GRIN2A: variants seen among roughly 807,000 people sequenced by gnomAD.
GRIN2A encodes the protein glutamate ionotropic receptor NMDA type subunit 2A, also known as glutamate receptor ionotropic, NMDA 2A.
Under a neutral mutation model 113.4 loss-of-function variants are expected in GRIN2A, and 22 were observed. That is an observed-to-expected ratio of 0.19 (90% confidence interval 0.14 to 0.28). The LOEUF (loss-of-function observed/expected upper bound fraction) is 0.28. Among genes scored for constraint, GRIN2A ranks in the 10% least tolerant of loss-of-function variants. The pLI is 1.00. For missense variants in GRIN2A, 1,502 were observed against 1,887.0 expected, an observed-to-expected ratio of 0.80 and a Z score of 3.78; for synonymous variants, 827 against 738.4, an observed-to-expected ratio of 1.12 and a Z score of -1.94.
intron 2 of GRIN2A, among the ~76,000 whole-genome samples, chr16:10,169,212 G>A (rs2049988186): frequency 6.6e-6 from 1 of 151,830 alleles, no homozygotes; most frequent in African/African-American, 2.4e-5. Context: ...AATCCTAAAG[G>A]CCCTTTTTCT....
At chr16:9,824,470 C>T (rs1278760026) in intron 9 of GRIN2A, among the ~76,000 whole-genome samples, 2 of 152,212 alleles carry the variant, frequency 1.3e-5, no homozygotes, top group East Asian at 3.9e-4. Flanking sequence ...CCACTTCACT[C>T]CCCGTCTGTT....
intron 2 of GRIN2A, among the ~76,000 whole-genome samples, chr16:10,109,344 G>A (rs796387767): frequency 4.9e-4 from 50 of 103,008 alleles, no homozygotes; most frequent in African/African-American, 1.2e-3. Flanking sequence ...AAACATTTAA[G>A]GAAAAAAAAA....
At chr16:9,952,727 C>T (rs940940133) in intron 2 of GRIN2A, among the ~76,000 whole-genome samples, 3 of 152,134 alleles carry the variant, frequency 2.0e-5, no homozygotes, top group Admixed American at 1.3e-4. Flanking sequence ...CCCAAGTACA[C>T]GTGACAGAGC....
chr16:9,920,305 T>C (rs1230741830), intron 3 of GRIN2A, among the ~76,000 whole-genome samples: 5 of 152,224 alleles, frequency 3.3e-5, no homozygotes, highest in Non-Finnish European at 7.3e-5. Flanking sequence ...GGGTAACAGA[T>C]GCCAGGGGAC....
intron 2 of GRIN2A, among the ~76,000 whole-genome samples, chr16:10,006,646 T>A (rs2046408965): frequency 6.6e-6 from 1 of 152,174 alleles, no homozygotes; most frequent in South Asian, 2.1e-4. Flanking sequence ...TTGTACTCCC[T>A]CAGTTATTCT....
chr16:9,811,959 G>T (rs572373655), intron 10 of GRIN2A, among the ~76,000 whole-genome samples: 43 of 152,204 alleles, frequency 2.8e-4, no homozygotes, highest in African/African-American at 9.9e-4. Context: ...CTCAATGGAA[G>T]AAGAAACATT....
intron 2 of GRIN2A, among the ~76,000 whole-genome samples, chr16:10,132,687 C>A: frequency 6.6e-6 from 1 of 152,140 alleles, no homozygotes; most frequent in Non-Finnish European, 1.5e-5. Context: ...GTTTCCACAA[C>A]CACAAAATGG....
chr16:9,840,047 G>A (rs1268542120), intron 7 of GRIN2A, among the ~76,000 whole-genome samples: 1 of 152,198 alleles, frequency 6.6e-6, no homozygotes, highest in African/African-American at 2.4e-5. Flanking sequence ...GAACCCAGGA[G>A]GCAGAGGCCG....
chr16:9,923,083 C>G (rs894128919), intron 3 of GRIN2A, among the ~76,000 whole-genome samples: 1 of 152,086 alleles, frequency 6.6e-6, no homozygotes, highest in African/African-American at 2.4e-5. Context: ...AAATCTCCTA[C>G]TATAATTATG....
intron 2 of GRIN2A, among the ~76,000 whole-genome samples, chr16:9,958,257 C>G (rs1013579171): frequency 1.3e-5 from 2 of 152,164 alleles, no homozygotes; most frequent in African/African-American, 4.8e-5. Context: ...CCAGCCTGAC[C>G]TGAACTTACT....
Position 9,764,288 on chromosome 16 carries a change from AG to A in GRIN2A, c.3255del (p.Phe1086LeufsTer21). The A allele has an allele frequency of 6.2e-7, 1 of 1,613,740 alleles. No homozygotes were observed. On this transcript the variant is annotated frameshift_variant, in exon 13 of 13. Transcript: ENST00000330684. LOFTEE classifies it high-confidence loss of function. ...DNSKNHKTKD[N>X]FKRSVASKYP... ...TATTTGGAGGCCACTGACCTTTTAA[AG>A]TTGTCCTTGGTTTTGTGGTTCTTAC...
At chr16:9,840,015 G>C (rs1160497554) in intron 7 of GRIN2A, among the ~76,000 whole-genome samples, 1 of 152,212 alleles carries the variant, frequency 6.6e-6, no homozygotes, top group Non-Finnish European at 1.5e-5. Flanking sequence ...CTACTGGGGA[G>C]GCTGAGGTGG....
At chr16:10,090,454 A>T (rs1276581816) in intron 2 of GRIN2A, among the ~76,000 whole-genome samples, 1 of 152,218 alleles carries the variant, frequency 6.6e-6, no homozygotes, top group Non-Finnish European at 1.5e-5. Flanking sequence ...TTTTCAACAC[A>T]TGATGCTGGG....
intron 2 of GRIN2A, among the ~76,000 whole-genome samples, chr16:9,998,088 A>C (rs530096565): frequency 1.3e-5 from 2 of 152,270 alleles, no homozygotes; most frequent in Admixed American, 1.3e-4. Flanking sequence ...TTTTTGTTCT[A>C]TAACTGTCTG....
Position 9,756,284 on chromosome 16 carries a change from A to C in GRIN2A, c.*6865T>G, listed in dbSNP as rs879478291. 1.7e-4 allele frequency: 38 copies of C among 228,610 alleles called. No homozygotes were observed. Among genetic ancestry groups the C allele is most frequent in the Middle Eastern group, 2.6e-3 (2 of 764 alleles). 14.2% of individuals were successfully genotyped at this position (228,610 alleles called of 1,614,324 possible). ...AAGTAGAGAAAATAACTCCCCAGAA[A>C]TTTTTTTAAATGCTAAGTGCAAGCA... On this transcript the variant is annotated 3_prime_UTR_variant, in exon 13 of 13. Coordinates refer to ENST00000330684, the MANE Select transcript of GRIN2A (RefSeq NM_001134407.3).
intron 2 of GRIN2A, among the ~76,000 whole-genome samples, chr16:9,969,464 G>A (rs955117547): frequency 2.0e-5 from 3 of 152,106 alleles, no homozygotes; most frequent in Non-Finnish European, 2.9e-5. Context: ...CATCCTTCAT[G>A]GTTTTAAATA....
intron 2 of GRIN2A, among the ~76,000 whole-genome samples, chr16:9,978,891 A>T (rs920186291): frequency 1.3e-5 from 2 of 152,198 alleles, no homozygotes; most frequent in African/African-American, 4.8e-5. Context: ...AGAGAAGCAG[A>T]TGGATGTGAC....
intron 2 of GRIN2A, among the ~76,000 whole-genome samples, chr16:9,971,524 C>T (rs1404131082): frequency 6.6e-6 from 1 of 152,222 alleles, no homozygotes; most frequent in Non-Finnish European, 1.5e-5. Flanking sequence ...AGAACTGTGA[C>T]TGACAATAAA....
At chr16:10,078,896 T>C (rs957344270) in intron 2 of GRIN2A, among the ~76,000 whole-genome samples, 2 of 152,230 alleles carry the variant, frequency 1.3e-5, no homozygotes, top group African/African-American at 2.4e-5. Context: ...CGTCTCTGCA[T>C]TGCAATTGCA....
Sources: allele counts gnomAD v4.1 joint callset (sites outside exome capture counted in the v4.1 genomes callset), GRCh38; gene constraint gnomAD v4.1.1; transcripts MANE v1.5; gene names NCBI Gene and HGNC (gene_info 2026-07-23, HGNC 2026-07-21).